The following PREX2 variants were observed in gnomAD, a reference collection of about 807,000 sequenced individuals.
PREX2 encodes phosphatidylinositol 3,4,5-trisphosphate-dependent Rac exchanger 2 protein.
PREX2 carries 107 observed loss-of-function variants against 203.2 expected under a neutral mutation model. That is an observed-to-expected ratio of 0.53 (90% CI 0.45 to 0.62). The LOEUF (loss-of-function observed/expected upper bound fraction) is 0.62, where lower values mean the gene tolerates loss of function less well. PREX2 is among the 20% of genes least tolerant of loss of function. The pLI is 0.00. For synonymous variants in PREX2, 672 were observed against 663.6 expected, an observed-to-expected ratio of 1.01 and a Z score of -0.19; for missense variants, 1,777 against 1,955.9, an observed-to-expected ratio of 0.91 and a Z score of 1.72.
chr8:68,126,563 T>C (rs1810890935), intron 30 of PREX2, among the ~76,000 whole-genome samples: 1 of 152,122 alleles, frequency 6.6e-6, no homozygotes, highest in African/African-American at 2.4e-5. Context: ...CTTTGAAGTA[T>C]TTCCTGCATT....
chr8:67,961,754 G>A lies in PREX2; in HGVS notation c.141+9219G>A, dbSNP rs537795792. On this transcript the variant is annotated intron_variant, in intron 1 of 39. Coordinates refer to ENST00000288368, the MANE Select transcript of PREX2 (RefSeq NM_024870.4). ...TATGATTTTTAAGCACTTCTAATTA[G>A]TATCGGTGATTTCAGACTTTGATTT... is the stretch of plus-strand genomic sequence containing the variant. 3.4e-3 allele frequency among the ~76,000 whole-genome samples: 520 copies of A among 152,262 alleles called. 5 individuals are homozygous for A. Among genetic ancestry groups the A allele is most frequent in the African/African-American group, 0.012 (490 of 41,536 alleles).
chr8:68,115,960 T>C (rs770856864), intron 26 of PREX2, 28 bp downstream of exon 26: 4 of 1,539,246 alleles, frequency 2.6e-6, no homozygotes, highest in Non-Finnish European at 3.5e-6. Context: ...CAAACTCATT[T>C]TCTTAACAAA....
rs1807753656 is a variant in PREX2, at chr8:68,027,300, T to C, written c.520T>C (p.Cys174Arg). The C allele has an allele frequency of 6.2e-7, 1 of 1,603,960 alleles. No homozygotes were observed. Among genetic ancestry groups the C allele is most frequent in the East Asian group, 2.2e-5 (1 of 44,772 alleles). ...GYLVTPIQRI[C>R]KYPLILKELL... ...TTTAGTAACACCAATACAAAGAATA[T>C]GCAAGTACCCTCTTATTTTGAAGGT... is the stretch of plus-strand genomic sequence containing the variant. The change falls in exon 5 of 40, where the codon TGC (cysteine) becomes CGC (arginine). Residue 174 changes from cysteine to arginine, a missense_variant. Physicochemically the swap from Cys to Arg is radical, Grantham distance 180. Coordinates refer to ENST00000288368, the MANE Select transcript of PREX2 (RefSeq NM_024870.4).
At position 67,987,085 on chromosome 8, in the gene PREX2, G is replaced by A. The variant is rs371841156; in HGVS notation, c.142-30761G>A. On this transcript the variant is annotated intron_variant, in intron 1 of 39. Coordinates refer to ENST00000288368, the MANE Select transcript of PREX2 (RefSeq NM_024870.4). ...GGAGAATGGTGTGAACCTGGGAGGC[G>A]GAGCTTGCAGTGAGCAGAGATCACG... Among the ~76,000 whole-genome samples, 4 of 148,588 alleles carry A rather than the reference G, an allele frequency of 2.7e-5. No individual in the cohort carries two copies. The East Asian group carries it at 6.0e-4, about 22-fold the overall frequency.
At chr8:67,952,680 ACT>A in intron 1 of PREX2, 145 bp downstream of exon 1, 1 of 1,153,492 alleles carries the variant, frequency 8.7e-7, no homozygotes, top group Admixed American at 2.1e-5. Context: ...CCACGTGTGG[ACT>A]CTGCGTTCGC....
chr8:68,178,243 C>G (rs960957899), intron 35 of PREX2, among the ~76,000 whole-genome samples: 2 of 152,188 alleles, frequency 1.3e-5, no homozygotes, highest in African/African-American at 4.8e-5. Flanking sequence ...CTCTCACCAA[C>G]AGTGTAAAAG....
intron 1 of PREX2, among the ~76,000 whole-genome samples, chr8:67,971,226 A>AGGCC (rs1476424448): frequency 1.3e-5 from 2 of 152,164 alleles, no homozygotes; most frequent in African/African-American, 4.8e-5. Context: ...GTCGTCTGGG[A>AGGCC]GGCCGGCTTC....
intron 4 of PREX2, among the ~76,000 whole-genome samples, chr8:68,022,766 C>T (rs1807608012): frequency 6.6e-6 from 1 of 152,050 alleles, no homozygotes; most frequent in African/African-American, 2.4e-5. Context: ...TCAGAAAGAC[C>T]TTCATGTCCC....
At chr8:68,020,038 T>C (rs907840355) in intron 3 of PREX2, among the ~76,000 whole-genome samples, 1 of 152,172 alleles carries the variant, frequency 6.6e-6, no homozygotes, top group African/African-American at 2.4e-5. Context: ...AATGGCACGA[T>C]GAGCCTTTTA....
rs527493495 is a variant in PREX2, at chr8:68,086,064, C to T, written c.2028-1660C>T. On this transcript the variant is annotated intron_variant, in intron 18 of 39. Coordinates refer to ENST00000288368, the MANE Select transcript of PREX2 (RefSeq NM_024870.4). ...CTTTCATTTTCAAGTGAAACTTTGA[C>T]AAACACTGATAACTATGTGTTATTC... is the stretch of plus-strand genomic sequence containing the variant. 4.6e-5 allele frequency among the ~76,000 whole-genome samples: 7 copies of T among 152,258 alleles called. 1 individual carries two copies. The South Asian group carries it at 1.4e-3, about 32-fold the overall frequency.
chr8:68,005,039 A>G (rs1807053189), intron 1 of PREX2, among the ~76,000 whole-genome samples: 1 of 152,154 alleles, frequency 6.6e-6, no homozygotes, highest in South Asian at 2.1e-4. Flanking sequence ...TATTGATTGA[A>G]ATTGCTTTTG....
intron 9 of PREX2, among the ~76,000 whole-genome samples, chr8:68,053,960 G>C (rs1447102901): frequency 6.6e-6 from 1 of 152,162 alleles, no homozygotes; most frequent in Non-Finnish European, 1.5e-5. Flanking sequence ...AAATAGAAAT[G>C]CTTGTATTTC....
intron 1 of PREX2, among the ~76,000 whole-genome samples, chr8:67,988,985 T>A (rs917564173): frequency 6.6e-6 from 1 of 152,216 alleles, no homozygotes; most frequent in Admixed American, 6.5e-5. Context: ...GCACGTGTAT[T>A]GGCCAGATTC....
Position 68,220,888 on chromosome 8 carries a change from A to G in PREX2, c.4707+3170A>G, listed in dbSNP as rs557753445. The stretch of plus-strand genomic sequence containing the variant: ...AAGTTTTTGTTTTGTTTTAGATTTA[A>G]GGGGTACGTGTGCAGGTTTGTTACA... On this transcript the variant is annotated intron_variant, in intron 38 of 39. Transcript: ENST00000288368. Among the ~76,000 whole-genome samples, 148 of 152,266 alleles carry G rather than the reference A, an allele frequency of 9.7e-4. 1 individual carries two copies. The highest frequency in any genetic ancestry group is 3.4e-3 in the African/African-American group (143 of 41,556).
At chr8:68,186,321 G>C (rs936935381) in intron 35 of PREX2, among the ~76,000 whole-genome samples, 1 of 151,918 alleles carries the variant, frequency 6.6e-6, no homozygotes, top group African/African-American at 2.4e-5. Flanking sequence ...ATATTTTATT[G>C]CTTTCCATTA....
At chr8:68,142,385 C>T (rs868624080) in intron 33 of PREX2, among the ~76,000 whole-genome samples, 1 of 152,088 alleles carries the variant, frequency 6.6e-6, no homozygotes, top group Non-Finnish European at 1.5e-5. Flanking sequence ...TAGTTGGGAT[C>T]GTACAGTAGG....
At position 67,977,698 on chromosome 8, in the gene PREX2, T is replaced by G. The variant is rs529793558; in HGVS notation, c.141+25163T>G. Among the ~76,000 whole-genome samples, 8 of 152,154 alleles carry G rather than the reference T, an allele frequency of 5.3e-5. No individual in the cohort carries two copies. In the South Asian group the frequency reaches 1.5e-3, roughly 28 times the overall value. On this transcript the variant is annotated intron_variant, in intron 1 of 39. Transcript: ENST00000288368. The stretch of plus-strand genomic sequence containing the variant: ...CAACCTCTGGGGAGGGGAGAGAAAT[T>G]GAAGGTTAAGCTAATCACCAGTGGC...
Position 68,054,570 on chromosome 8 carries a change from A to G in PREX2, c.1094-1260A>G, listed in dbSNP as rs890064654. The stretch of plus-strand genomic sequence containing the variant: ...CAGCTAGATGACTAAAAATAATACA[A>G]TGTTGCTCCTTCAACAGTTCGTCAT... On this transcript the variant is annotated intron_variant, in intron 9 of 39. Transcript: ENST00000288368. Among the ~76,000 whole-genome samples, 9 of 152,202 alleles carry G rather than the reference A, an allele frequency of 5.9e-5. 1 individual carries two copies. Among genetic ancestry groups the G allele is most frequent in the South Asian group, 2.1e-4 (1 of 4,836 alleles).
intron 15 of PREX2, among the ~76,000 whole-genome samples, chr8:68,079,037 G>A (rs1389939294): frequency 6.6e-6 from 1 of 152,142 alleles, no homozygotes; most frequent in Non-Finnish European, 1.5e-5. Flanking sequence ...AATAGGTTCT[G>A]AGCTAGGCGC....
Sources: allele counts gnomAD v4.1 joint callset (sites outside exome capture counted in the v4.1 genomes callset), GRCh38; gene constraint gnomAD v4.1.1; transcripts MANE v1.5; gene names NCBI Gene and HGNC (gene_info 2026-07-23, HGNC 2026-07-21).